ATP10B: variants seen among roughly 807,000 people sequenced by gnomAD.
ATP10B encodes phospholipid-transporting ATPase VB.
Under a neutral mutation model 141.2 loss-of-function variants are expected in ATP10B, and 122 were observed. The observed-to-expected ratio is 0.86, with a 90% confidence interval of 0.75 to 1.00. ATP10B has a LOEUF of 1.00. Among genes scored for constraint, ATP10B ranks in the 50% least tolerant of loss-of-function variants. ATP10B has a pLI of 0.00. For synonymous variants in ATP10B, 685 were observed against 692.0 expected (o/e 0.99, Z 0.16); for missense variants, 1,876 against 1,825.3 (o/e 1.03, Z -0.51).
At chr5:160,814,751 C>T (rs1277657899) in intron 1 of ATP10B, among the ~76,000 whole-genome samples, 1 of 152,126 alleles carries the variant, frequency 6.6e-6, no homozygotes, top group Non-Finnish European at 1.5e-5. Flanking sequence ...TCAGGTTACC[C>T]ATAAAGGAAA....
intron 3 of ATP10B, among the ~76,000 whole-genome samples, chr5:160,708,448 T>C (rs1765152760): frequency 6.6e-6 from 1 of 152,188 alleles, no homozygotes; most frequent in Non-Finnish European, 1.5e-5. Context: ...ACGTGAGGAT[T>C]TGGTGACTTT....
chr5:160,866,916 A>G, the ATP10B span, among the ~76,000 whole-genome samples: 2 of 152,064 alleles, frequency 1.3e-5, no homozygotes, highest in Non-Finnish European at 2.9e-5. Flanking sequence ...GTGAACAAAT[A>G]AAGGGCTTCC....
intron 2 of ATP10B, among the ~76,000 whole-genome samples, chr5:160,776,431 G>A (rs62392585): frequency 0.13 from 19,046 of 152,244 alleles, 1,458 homozygotes; most frequent in Middle Eastern, 0.18. Context: ...GCCAGGCACT[G>A]GCTAGGTATG....
intron 14 of ATP10B, 66 bp downstream of exon 14, chr5:160,622,328 C>A (rs929405685): frequency 2.0e-6 from 3 of 1,486,706 alleles, no homozygotes; most frequent in Non-Finnish European, 2.7e-6. Context: ...TCTCCCCTCG[C>A]CCCTACCCTG....
At chr5:160,583,042 G>T (rs897052873) in intron 24 of ATP10B, among the ~76,000 whole-genome samples, 9 of 152,082 alleles carry the variant, frequency 5.9e-5, no homozygotes, top group Admixed American at 2.6e-4. Context: ...TTAGCTTGGA[G>T]GTGTTTGTTA....
chr5:160,624,461 A>G (rs928109209), intron 13 of ATP10B, among the ~76,000 whole-genome samples: 2 of 152,208 alleles, frequency 1.3e-5, no homozygotes, highest in African/African-American at 4.8e-5. Flanking sequence ...TCCAGAAAAA[A>G]AGTCTACTTA....
chr5:160,654,986 G>C (rs897970444), intron 7 of ATP10B, among the ~76,000 whole-genome samples: 7 of 152,132 alleles, frequency 4.6e-5, no homozygotes, highest in Non-Finnish European at 1.0e-4. Flanking sequence ...CTAAGAGTCT[G>C]CTCCTTAACC....
intron 3 of ATP10B, among the ~76,000 whole-genome samples, chr5:160,690,191 A>G (rs1375636256): frequency 2.0e-5 from 3 of 152,232 alleles, no homozygotes; most frequent in Non-Finnish European, 4.4e-5. Flanking sequence ...CTTACACATT[A>G]TACAAAAATT....
intron 15 of ATP10B, among the ~76,000 whole-genome samples, chr5:160,619,892 C>T (rs111361829): frequency 0.013 from 1,981 of 152,286 alleles, 51 homozygotes; most frequent in African/African-American, 0.045. Context: ...ACCTGGAATT[C>T]AGGATACCTG....
intron 17 of ATP10B, among the ~76,000 whole-genome samples, chr5:160,614,896 G>A (rs964006027): frequency 3.9e-5 from 6 of 152,082 alleles, no homozygotes; most frequent in African/African-American, 7.2e-5. Context: ...TTTTTGCCAC[G>A]TGGCCAGTGC....
At chr5:160,580,552 A>G (rs563666347) in intron 24 of ATP10B, among the ~76,000 whole-genome samples, 1 of 152,280 alleles carries the variant, frequency 6.6e-6, no homozygotes, top group South Asian at 2.1e-4. Context: ...GTGCTGCTGG[A>G]TTTGGTTTGC....
the ATP10B span, among the ~76,000 whole-genome samples, chr5:160,886,405 ATAAAG>A: frequency 6.6e-6 from 1 of 152,230 alleles, no homozygotes; most frequent in Non-Finnish European, 1.5e-5. Flanking sequence ...TGGAGGTGGA[ATAAAG>A]TAGAGTGTGT....
chr5:160,843,793 A>T (rs1775947773), intron 1 of ATP10B, among the ~76,000 whole-genome samples: 1 of 152,148 alleles, frequency 6.6e-6, no homozygotes, highest in Non-Finnish European at 1.5e-5. Context: ...TAGGAACAAA[A>T]CAATGCAGGG....
At chr5:160,913,934 A>C in the ATP10B span, among the ~76,000 whole-genome samples, 1 of 152,198 alleles carries the variant, frequency 6.6e-6, no homozygotes, top group Non-Finnish European at 1.5e-5. Flanking sequence ...TTCAAGAAAA[A>C]TATTGGTTTC....
In ATP10B at chr5:160,566,038, C is replaced by G; in HGVS notation, c.3939-138G>C. The G allele has an allele frequency of 6.5e-6, 5 of 767,930 alleles. 1 individual carries two copies. In the South Asian group the frequency reaches 9.4e-5, roughly 14 times the overall value. The allele number at this position is 767,930 out of a possible 1,614,324, so 47.6% of individuals were successfully genotyped here. On this transcript the variant is annotated intron_variant, in intron 25 of 25. Coordinates refer to ENST00000327245, the MANE Select transcript of ATP10B (RefSeq NM_025153.3). ...TACTGCTATTAAATCCATGTCTGGGCACCTCTAGTCTTGGGTAGCTCAACA... is the reference window on the plus strand; with the variant it reads ...TACTGCTATTAAATCCATGTCTGGGGACCTCTAGTCTTGGGTAGCTCAACA...
intron 3 of ATP10B, among the ~76,000 whole-genome samples, chr5:160,697,531 C>T (rs553320058): frequency 1.4e-5 from 2 of 142,600 alleles, no homozygotes; most frequent in Non-Finnish European, 3.0e-5. Context: ...AAAACATGTC[C>T]TATAATTAGG....
At chr5:160,866,326 G>GT in the ATP10B span, among the ~76,000 whole-genome samples, 534 of 152,180 alleles carry the variant, frequency 3.5e-3, 3 homozygotes, top group African/African-American at 0.013. Context: ...ATAAAATATT[G>GT]TATGTTCTCA....
chr5:160,565,311 A>G lies in ATP10B; in HGVS notation c.*142T>C. Reference sequence around the variant, plus strand: ...TTGTGTCAGACCCCTTGGGGCCAGCACTTCCTCCATGGAAGTCAAGGTTGT... The same window carrying G: ...TTGTGTCAGACCCCTTGGGGCCAGCGCTTCCTCCATGGAAGTCAAGGTTGT... On this transcript the variant is annotated 3_prime_UTR_variant, in exon 26 of 26. Coordinates refer to ENST00000327245, the MANE Select transcript of ATP10B (RefSeq NM_025153.3). 1.1e-6 allele frequency: 1 copy of G among 870,576 alleles called. No individual in the cohort carries two copies. Among genetic ancestry groups the G allele is most frequent in the Non-Finnish European group, 1.8e-6 (1 of 566,502 alleles). The allele number at this position is 870,576 out of a possible 1,614,324, so 53.9% of individuals were successfully genotyped here.
intron 17 of ATP10B, 47 bp downstream of exon 17, chr5:160,615,791 C>G: frequency 6.3e-7 from 1 of 1,592,702 alleles, no homozygotes. Context: ...CCCTTCTCAA[C>G]TGGCTGCATT....
Sources: allele counts gnomAD v4.1 joint callset (sites outside exome capture counted in the v4.1 genomes callset), GRCh38; gene constraint gnomAD v4.1.1; transcripts MANE v1.5; gene names NCBI Gene and HGNC (gene_info 2026-07-23, HGNC 2026-07-21).